EIF4G3: variants seen among roughly 807,000 people sequenced by gnomAD.
The protein encoded by EIF4G3 is eIF-4-gamma 3.
A neutral mutation model predicts 186.4 loss-of-function variants in EIF4G3; 34 were observed. The ratio of observed to expected loss-of-function variants is 0.18; its 90% CI spans 0.14 to 0.24. EIF4G3 has a LOEUF of 0.24. Among genes scored for constraint, EIF4G3 ranks in the 10% least tolerant of loss-of-function variants. The pLI, the probability that EIF4G3 is intolerant of heterozygous loss-of-function variation, is 1.00. For synonymous variants in EIF4G3, 673 were observed against 679.5 expected, an observed-to-expected ratio of 0.99 and a Z score of 0.15; for missense variants, 1,536 against 1,948.5, an observed-to-expected ratio of 0.79 and a Z score of 3.99.
chr1:20,904,253 ACTC>A (rs1203761136), intron 15 of EIF4G3, among the ~76,000 whole-genome samples: 2 of 152,046 alleles, frequency 1.3e-5, no homozygotes, highest in African/African-American at 2.4e-5. Flanking sequence ...ATTTTTAAAA[ACTC>A]TCCATTTTTG....
At chr1:21,166,938 C>T (rs2097864872) in intron 2 of EIF4G3, among the ~76,000 whole-genome samples, 2 of 151,868 alleles carry the variant, frequency 1.3e-5, no homozygotes, top group South Asian at 2.1e-4. Flanking sequence ...CGTGCAACCG[C>T]GCCTGGCTAA....
intron 13 of EIF4G3, among the ~76,000 whole-genome samples, chr1:20,944,030 G>GTTCGTTC (rs2095837868): frequency 6.7e-6 from 1 of 148,786 alleles, no homozygotes; most frequent in African/African-American, 2.5e-5. Context: ...GTGTGTGTGT[G>GTTCGTTC]TGTGTGTGTG....
intron 14 of EIF4G3, among the ~76,000 whole-genome samples, chr1:20,913,350 C>T (rs1398294718): frequency 1.3e-5 from 2 of 152,100 alleles, no homozygotes; most frequent in African/African-American, 4.8e-5. Flanking sequence ...GCCTGAGCAA[C>T]ATAGTGAGAC....
intron 5 of EIF4G3, 96 bp from the exon 6 acceptor site, chr1:21,001,408 A>G (rs1218492540): frequency 2.3e-6 from 1 of 439,284 alleles, no homozygotes; most frequent in African/African-American, 2.0e-5. Flanking sequence ...TTTGATAATC[A>G]GAAATTAGGG....
intron 2 of EIF4G3, among the ~76,000 whole-genome samples, chr1:21,141,719 AG>A (rs1197311725): frequency 6.6e-6 from 1 of 152,122 alleles, no homozygotes; most frequent in African/African-American, 2.4e-5. Flanking sequence ...GTTTGAACCT[AG>A]GAGTTCAAGA....
chr1:20,970,474 G>A (rs1337125254), intron 11 of EIF4G3, among the ~76,000 whole-genome samples: 5 of 151,936 alleles, frequency 3.3e-5, no homozygotes, highest in East Asian at 3.9e-4. Flanking sequence ...TTAGCTGGGC[G>A]TGGTAGCACA....
chr1:20,810,159 A>ATT lies in EIF4G3; in HGVS notation c.4744+577_4744+578dup, dbSNP rs1363674757. Among the ~76,000 whole-genome samples, 12 of 134,334 alleles carry ATT rather than the reference A, an allele frequency of 8.9e-5. No individual in the cohort carries two copies. Among genetic ancestry groups the ATT allele is most frequent in the African/African-American group, 3.3e-4 (12 of 36,716 alleles). 88.1% of individuals were successfully genotyped at this position (134,334 alleles called of 152,430 possible). A position where few individuals can be genotyped will look rare whatever the true frequency, so the allele number is the denominator to read the frequency against. ...ACCTAGCCAATTTTTGTATTTTTGT[A>ATT]TTTTTTTTTTTTTTGAGATAGAGTC... On this transcript the variant is annotated intron_variant, in intron 36 of 36. Transcript: ENST00000602326. The surrounding 1 kb of genome is among the most constrained non-coding windows in gnomAD (Gnocchi z 4.1).
chr1:21,064,681 T>C (rs1391484453), intron 3 of EIF4G3: 2 of 152,252 alleles, frequency 1.3e-5, no homozygotes, highest in African/African-American at 4.8e-5. Flanking sequence ...GGTTTGTCTA[T>C]TCTACTAAAT....
At chr1:21,164,020 C>T (rs967136883) in intron 2 of EIF4G3, among the ~76,000 whole-genome samples, 5 of 152,004 alleles carry the variant, frequency 3.3e-5, no homozygotes, top group Non-Finnish European at 7.4e-5. Flanking sequence ...GTGATCTGCC[C>T]GCCTCAGCCT....
chr1:20,987,415 T>C (rs1020470603), intron 7 of EIF4G3, among the ~76,000 whole-genome samples: 1 of 152,258 alleles, frequency 6.6e-6, no homozygotes, highest in Non-Finnish European at 1.5e-5. Flanking sequence ...AGATATTGCA[T>C]TCTTTACAAA....
chr1:21,106,406 T>C (rs762797630), intron 2 of EIF4G3, among the ~76,000 whole-genome samples: 6 of 151,868 alleles, frequency 4.0e-5, no homozygotes, highest in Non-Finnish European at 8.8e-5. Context: ...GTTTAGATAG[T>C]AAAACCAAGG....
chr1:21,128,753 G>C (rs1284462393), intron 2 of EIF4G3, among the ~76,000 whole-genome samples: 1 of 151,746 alleles, frequency 6.6e-6, no homozygotes, highest in Non-Finnish European at 1.5e-5. Context: ...AAGTATTTTT[G>C]TAATCCTTCT....
intron 7 of EIF4G3, among the ~76,000 whole-genome samples, chr1:20,987,826 T>G (rs2079932113): frequency 6.6e-6 from 1 of 152,218 alleles, no homozygotes; most frequent in Admixed American, 6.5e-5. Context: ...TCTCTCACTT[T>G]AAATAAAAAC....
chr1:20,832,472 TA>T (rs879350561), intron 30 of EIF4G3, among the ~76,000 whole-genome samples: 3,432 of 130,228 alleles, frequency 0.026, 64 homozygotes, highest in Middle Eastern at 0.054. Flanking sequence ...TTTTTTCTTG[TA>T]AATTTGTTTG....
intron 14 of EIF4G3, among the ~76,000 whole-genome samples, chr1:20,930,864 A>AT (rs138450337): frequency 0.038 from 5,694 of 150,172 alleles, 212 homozygotes; most frequent in East Asian, 0.17. Context: ...ATGAATTACA[A>AT]TTTTTTTTTT....
At chr1:21,005,855 A>G (rs892583688) in intron 4 of EIF4G3, among the ~76,000 whole-genome samples, 4 of 152,220 alleles carry the variant, frequency 2.6e-5, no homozygotes, top group Admixed American at 1.3e-4. Context: ...GACTTAAAAA[A>G]TAAAAATCTA....
At chr1:20,873,538 A>G (rs889550053) in intron 20 of EIF4G3, among the ~76,000 whole-genome samples, 4 of 152,288 alleles carry the variant, frequency 2.6e-5, no homozygotes, top group Admixed American at 1.3e-4. Context: ...TGCATAGTAC[A>G]TGAACATCTT....
rs906465427 is a variant in EIF4G3 at position 21,000,627 on chromosome 1, C to A, written c.144+572G>T. On this transcript the variant is annotated intron_variant, in intron 6 of 36. Coordinates refer to ENST00000602326, the MANE Select transcript of EIF4G3 (RefSeq NM_001391906.1). ...AACAAAAAACAAAAACAAAAAAAAA[C>A]CCCATAACAAAATAAAGAAAATCAA... Among the ~76,000 whole-genome samples, 60 of 151,656 alleles carry A rather than the reference C, an allele frequency of 4.0e-4. 1 individual carries two copies. Among genetic ancestry groups the A allele is most frequent in the Admixed American group, 1.4e-3 (21 of 15,234 alleles).
intron 3 of EIF4G3, 119 bp from the exon 4 acceptor site, chr1:21,051,113 C>G (rs1003152852): frequency 3.2e-6 from 2 of 629,016 alleles, no homozygotes; most frequent in Non-Finnish European, 2.9e-6. Flanking sequence ...CTAAAATAAG[C>G]ACGAGACTGA....
Sources: gnomAD v4.1 joint callset for allele counts (sites outside exome capture counted in the v4.1 genomes callset) on GRCh38, gnomAD v4.1.1 for gene constraint, Gnocchi (gnomAD v3.1) non-coding constraint, MANE v1.5 for transcripts, NCBI Gene and HGNC (gene_info 2026-07-23, HGNC 2026-07-21) for gene names.